COL5A1: variants seen among roughly 807,000 people sequenced by gnomAD.
COL5A1 encodes the protein collagen type V alpha 1 chain, also known as collagen alpha-1(V) chain.
In COL5A1, 16 loss-of-function variants were observed where a neutral mutation model predicts 263.7. The ratio of observed to expected loss-of-function variants is 0.06; its 90% CI spans 0.04 to 0.09. COL5A1 has a LOEUF of 0.09. Ranked by LOEUF, COL5A1 falls within the 10% of genes least tolerant of loss-of-function variation. COL5A1 has a pLI of 1.00. For synonymous variants in COL5A1, 1,012 were observed against 1,004.5 expected (o/e 1.01, Z -0.14); for missense variants, 2,036 against 2,540.5 (o/e 0.80, Z 4.27).
At position 134,755,607 on chromosome 9, in the gene COL5A1, G is replaced by T. The variant is rs748489304; in HGVS notation, c.1828-1158G>T. Among the ~76,000 whole-genome samples the T allele has an allele frequency of 6.6e-6, 1 of 152,250 alleles. No individual in the cohort carries two copies. The highest frequency in any genetic ancestry group is 1.5e-5 in the Non-Finnish European group (1 of 68,042). ...GCTTGTGAATTGTAGAAGCATCTGG[G>T]TGCTTTGCGGGGCTGAGTTGTGCTG... On this transcript the variant is annotated intron_variant, in intron 16 of 65. Coordinates refer to ENST00000371817, the MANE Select transcript of COL5A1 (RefSeq NM_000093.5). This position sits in a 1 kb window ranked among gnomAD's most constrained non-coding sequence, Gnocchi z 4.1.
At chr9:134,802,032 C>T (rs1384348268) in intron 38 of COL5A1, 25 bp downstream of exon 38, 1 of 1,611,328 alleles carries the variant, frequency 6.2e-7, no homozygotes, top group Non-Finnish European at 8.5e-7. Flanking sequence ...TCCCAGATTC[C>T]ATGGGTCACT....
chr9:134,795,010 C>A, intron 32 of COL5A1, 72 bp from the exon 33 acceptor site: 1 of 1,529,956 alleles, frequency 6.5e-7, no homozygotes, highest in Non-Finnish European at 9.0e-7. Context: ...CTCAATAACC[C>A]GGGAGACAGC....
chr9:134,795,345 G>A (rs758658264), intron 34 of COL5A1, 30 bp downstream of exon 34: 6 of 1,610,454 alleles, frequency 3.7e-6, no homozygotes, highest in Middle Eastern at 1.7e-4. Flanking sequence ...GGCGGTGGGC[G>A]GCGTGAACCC....
chr9:134,747,824 T>C (rs1380835342), intron 11 of COL5A1, among the ~76,000 whole-genome samples: 3 of 68,818 alleles, frequency 4.4e-5, no homozygotes, highest in African/African-American at 2.2e-4. Flanking sequence ...CACACATGCG[T>C]TCATACACAT....
intron 1 of COL5A1, among the ~76,000 whole-genome samples, chr9:134,659,903 G>A (rs1489959924): frequency 6.6e-6 from 1 of 152,190 alleles, no homozygotes; most frequent in African/African-American, 2.4e-5. Flanking sequence ...AAGAGTGATA[G>A]GGGAGGATTA....
chr9:134,804,726 A>C (rs1039038993), intron 39 of COL5A1, among the ~76,000 whole-genome samples: 2 of 152,190 alleles, frequency 1.3e-5, no homozygotes, highest in Non-Finnish European at 2.9e-5. Context: ...GAGAAGCCCA[A>C]TCCAACCCAA....
chr9:134,830,290 C>A, intron 64 of COL5A1: 3 of 1,068,940 alleles, frequency 2.8e-6, no homozygotes, highest in South Asian at 1.4e-5. Context: ...TCTTGCCAAA[C>A]CGCTCCACAT....
intron 6 of COL5A1, among the ~76,000 whole-genome samples, chr9:134,729,305 G>A (rs902447490): frequency 3.9e-5 from 6 of 152,204 alleles, no homozygotes; most frequent in African/African-American, 7.2e-5. Context: ...AGTGAGAGCC[G>A]GAGGGTCACA....
chr9:134,693,978 C>A (rs908121209), intron 2 of COL5A1, among the ~76,000 whole-genome samples: 1 of 152,208 alleles, frequency 6.6e-6, no homozygotes, highest in Non-Finnish European at 1.5e-5. Flanking sequence ...TCTAGAGACC[C>A]GTACCTGCCT....
chr9:134,761,971 G>A lies in COL5A1; in HGVS notation c.1982G>A (p.Gly661Glu). 1 of 1,613,542 alleles carries A rather than the reference G, an allele frequency of 6.2e-7. No individual in the cohort carries two copies. The highest frequency in any genetic ancestry group is 8.5e-7 in the Non-Finnish European group (1 of 1,180,012). ...CCACCAGGACCTCCGGGAGACGATG[G>A]AGAAAGGGTAGGTATTCTGCCGTCC... Reference protein sequence around the residue: ...SGPPGPPGDDGERGDDGEVGP... With the variant: ...SGPPGPPGDDEERGDDGEVGP... The change falls in exon 19 of 66, where the codon GGA (glycine) becomes GAA (glutamate). Residue 661 changes from glycine to glutamate, a missense_variant. Physicochemically the swap from Gly to Glu is moderately conservative, Grantham distance 98. Around this residue, in one of 3 missense-constraint regions of COL5A1, gnomAD observed 1,078 missense variants for 1,521.4 expected, o/e 0.71. Coordinates refer to ENST00000371817, the MANE Select transcript of COL5A1 (RefSeq NM_000093.5).
chr9:134,760,148 A>G (rs1366328002), intron 18 of COL5A1, among the ~76,000 whole-genome samples: 15 of 100,398 alleles, frequency 1.5e-4, no homozygotes, highest in African/African-American at 4.4e-4. Context: ...ATGTGCAGAC[A>G]CCACACATGC....
At chr9:134,708,568 C>T (rs1018227072) in intron 4 of COL5A1, 2 of 518,590 alleles carry the variant, frequency 3.9e-6, no homozygotes, top group East Asian at 1.1e-4. Flanking sequence ...TCTCAGGCCA[C>T]CTGTGTGGCA....
chr9:134,722,655 C>A (rs1251048980), intron 4 of COL5A1, among the ~76,000 whole-genome samples: 1 of 152,210 alleles, frequency 6.6e-6, no homozygotes, highest in Non-Finnish European at 1.5e-5. Context: ...TGTCAAATTG[C>A]CAGTTGAAAG....
At chr9:134,667,912 A>G in intron 1 of COL5A1, among the ~76,000 whole-genome samples, 1 of 152,194 alleles carries the variant, frequency 6.6e-6, no homozygotes, top group East Asian at 1.9e-4. Flanking sequence ...CATTTCCCCC[A>G]AACTTCAGCC....
At chr9:134,756,246 G>A (rs889526159) in intron 16 of COL5A1, among the ~76,000 whole-genome samples, 5 of 152,194 alleles carry the variant, frequency 3.3e-5, no homozygotes, top group South Asian at 2.1e-4. Flanking sequence ...GCTGCCTCCC[G>A]TCGCTGTGTG....
At chr9:134,688,547 A>C (rs1833158686) in intron 1 of COL5A1, among the ~76,000 whole-genome samples, 1 of 152,176 alleles carries the variant, frequency 6.6e-6, no homozygotes. Flanking sequence ...TGCTGGGGCC[A>C]GGTGGGAGGT....
chr9:134,843,823 CA>C lies in COL5A1; in HGVS notation c.*1521del, dbSNP rs1830170499. On this transcript the variant is annotated 3_prime_UTR_variant, in exon 66 of 66. Coordinates refer to ENST00000371817, the MANE Select transcript of COL5A1 (RefSeq NM_000093.5). Reference sequence around the variant, plus strand: ...CCATGAGTCTCTCCAGGGCTGCCTGCAGCACGTCTTTTCCAAGTAGCCTATT... The same window carrying C: ...CCATGAGTCTCTCCAGGGCTGCCTGCGCACGTCTTTTCCAAGTAGCCTATT... 6.5e-6 allele frequency: 1 copy of C among 152,680 alleles called. No homozygotes were observed. The highest frequency in any genetic ancestry group is 2.4e-5 in the African/African-American group (1 of 41,460). The allele number at this position is 152,680 out of a possible 1,614,324, so 9.5% of individuals were successfully genotyped here. A position where few individuals can be genotyped will look rare whatever the true frequency, so the allele number is the denominator to read the frequency against.
Position 134,744,692 on chromosome 9 carries a change from C to A in COL5A1, c.1495-5850C>A, listed in dbSNP as rs1274512769. 2.6e-5 allele frequency among the ~76,000 whole-genome samples: 4 copies of A among 151,424 alleles called. No homozygotes were observed. The South Asian group carries it at 6.2e-4, about 24-fold the overall frequency. On this transcript the variant is annotated intron_variant, in intron 11 of 65. Transcript: ENST00000371817. ...ATGCACACACATTCACACATGCATG[C>A]ACACACCCATACATGCTCTCACACA...
At chr9:134,748,019 A>G (rs1835622910) in intron 11 of COL5A1, among the ~76,000 whole-genome samples, 1 of 147,640 alleles carries the variant, frequency 6.8e-6, no homozygotes, top group African/African-American at 2.5e-5. Flanking sequence ...ATTCACACAC[A>G]TGCATTCATA....
Sources: allele counts gnomAD v4.1 joint callset (sites outside exome capture counted in the v4.1 genomes callset), GRCh38; gene constraint gnomAD v4.1.1; regional missense constraint gnomAD v4.1.1; non-coding constraint Gnocchi (gnomAD v3.1); transcripts MANE v1.5; gene names NCBI Gene and HGNC (gene_info 2026-07-23, HGNC 2026-07-21).